The following MBTPS1 variants were observed in gnomAD, a reference collection of about 807,000 sequenced individuals.
MBTPS1 encodes membrane bound transcription factor peptidase, site 1, also known as membrane-bound transcription factor site-1 protease.
A neutral mutation model predicts 127.8 loss-of-function variants in MBTPS1; 94 were observed. The observed-to-expected ratio is 0.74, with a 90% CI of 0.62 to 0.87. The LOEUF (loss-of-function observed/expected upper bound fraction) is 0.87. MBTPS1 is among the 40% of genes least tolerant of loss of function. The pLI, the probability that MBTPS1 is intolerant of heterozygous loss-of-function variation, is 0.00. For synonymous variants in MBTPS1, 632 were observed against 509.4 expected, an observed-to-expected ratio of 1.24 and a Z score of -3.24; for missense variants, 1,636 against 1,353.2, an observed-to-expected ratio of 1.21 and a Z score of -3.28.
chr16:84,091,020 A>C, intron 7 of MBTPS1, 78 bp from the exon 8 acceptor site: 1 of 1,000,060 alleles, frequency 1.0e-6, no homozygotes, highest in Non-Finnish European at 1.5e-6. Context: ...AAAAAACCAT[A>C]CACAACGTCT....
Position 84,069,358 on chromosome 16 carries a change from T to C in MBTPS1, c.1955+508A>G, listed in dbSNP as rs1470961859. Among the ~76,000 whole-genome samples the C allele has an allele frequency of 5.9e-5, 9 of 152,272 alleles. No individual in the cohort carries two copies. In the South Asian group the frequency reaches 1.5e-3, roughly 25 times the overall value. On this transcript the variant is annotated intron_variant, in intron 14 of 22. Coordinates refer to ENST00000343411, the MANE Select transcript of MBTPS1 (RefSeq NM_003791.4). Reference sequence around the variant, plus strand: ...GGCTGCATGGGTCACACCAGGGGGCTTGGCCGGGTGAGGAAGTCAGAATAG... The same window carrying C: ...GGCTGCATGGGTCACACCAGGGGGCCTGGCCGGGTGAGGAAGTCAGAATAG...
At chr16:84,093,394 C>T in intron 5 of MBTPS1, 97 bp from the exon 6 acceptor site, 1 of 845,904 alleles carries the variant, frequency 1.2e-6, no homozygotes. Flanking sequence ...CTTCCATTTC[C>T]AAGTGCTGGA....
chr16:84,105,971 T>C (rs1398761272), intron 1 of MBTPS1, among the ~76,000 whole-genome samples: 1 of 152,094 alleles, frequency 6.6e-6, no homozygotes, highest in Non-Finnish European at 1.5e-5. Flanking sequence ...ACATACAGTA[T>C]TTAGCTGGTG....
At position 84,091,824 on chromosome 16, in the gene MBTPS1, C is replaced by T. The variant is rs181348739; in HGVS notation, c.871G>A (p.Asp291Asn). 2.3e-5 allele frequency: 37 copies of T among 1,612,770 alleles called. No individual in the cohort carries two copies. In the African/African-American group the frequency reaches 3.7e-4, roughly 16 times the overall value. The change falls in exon 7 of 23, where the codon GAC becomes AAC. Residue 291 changes from aspartate to asparagine, a missense_variant. Coordinates refer to ENST00000343411, the MANE Select transcript of MBTPS1 (RefSeq NM_003791.4). The part of the protein sequence containing the change: ...NQVSYTSWFL[D>N]AFNYAILKKI... ...TTTAAAATGGCATAGTTGAAGGCGT[C>T]CAAAAACCAAGATGTGTAAGATACC...
At chr16:84,070,814 A>T in intron 12 of MBTPS1, 38 bp from the exon 13 acceptor site, 2 of 1,540,322 alleles carry the variant, frequency 1.3e-6, no homozygotes, top group Non-Finnish European at 1.8e-6. Context: ...CTAAAGTGAA[A>T]AGCTCCAGGA....
chr16:84,056,281 T>C (rs2085520770), intron 21 of MBTPS1, 146 bp from the exon 22 acceptor site: 1 of 616,788 alleles, frequency 1.6e-6, no homozygotes, highest in South Asian at 2.2e-5. Flanking sequence ...GCCACCTAAA[T>C]GCCACTGACA....
chr16:84,100,974 T>C (rs1260441788), intron 2 of MBTPS1, among the ~76,000 whole-genome samples: 2 of 123,482 alleles, frequency 1.6e-5, no homozygotes, highest in East Asian at 4.5e-4. Flanking sequence ...GCTAACATGC[T>C]GAAACCCCGT....
chr16:84,107,868 A>T (rs1597354556), intron 1 of MBTPS1, among the ~76,000 whole-genome samples: 1 of 133,458 alleles, frequency 7.5e-6, no homozygotes, highest in African/African-American at 2.8e-5. Flanking sequence ...TGTCCAGCTA[A>T]TTTTTTTTTT....
chr16:84,076,843 G>A (rs2085860866), intron 11 of MBTPS1, among the ~76,000 whole-genome samples: 1 of 152,148 alleles, frequency 6.6e-6, no homozygotes, highest in Admixed American at 6.5e-5. Flanking sequence ...AAAATTTGAT[G>A]CAATTGCAAC....
intron 19 of MBTPS1, 113 bp from the exon 20 acceptor site, chr16:84,060,926 T>G (rs2085601737): frequency 1.0e-6 from 1 of 960,948 alleles, no homozygotes; most frequent in Non-Finnish European, 1.5e-6. Flanking sequence ...CTTGAGCTCC[T>G]GGGCTCAAGT....
rs2086260782 is a variant in MBTPS1 at position 84,101,799 on chromosome 16, T to C, written c.-16A>G. On this transcript the variant is annotated 5_prime_UTR_variant, in exon 2 of 23. Coordinates refer to ENST00000343411, the MANE Select transcript of MBTPS1 (RefSeq NM_003791.4). ...CAAGCTTCATGGTCACAAGCGAATA[T>C]GATCATAAAATTGCATATATTCAAA... 3.1e-6 allele frequency: 5 copies of C among 1,599,148 alleles called. No individual in the cohort carries two copies. Among genetic ancestry groups the C allele is most frequent in the African/African-American group, 1.3e-5 (1 of 74,282 alleles).
chr16:84,068,061 C>T (rs2085713754), intron 15 of MBTPS1, among the ~76,000 whole-genome samples: 1 of 152,244 alleles, frequency 6.6e-6, no homozygotes, highest in Admixed American at 6.5e-5. Context: ...TTTTCATTCA[C>T]TTGAGAAGGA....
chr16:84,098,356 A>G (rs943244088), intron 3 of MBTPS1, among the ~76,000 whole-genome samples: 1 of 152,210 alleles, frequency 6.6e-6, no homozygotes, highest in Non-Finnish European at 1.5e-5. Flanking sequence ...CACGCCTGTA[A>G]TCCCAGCACT....
rs576261404 is a variant in MBTPS1 at position 84,091,428 on chromosome 16, G to A, written c.963+304C>T. 9.6e-5 allele frequency among the ~76,000 whole-genome samples: 14 copies of A among 145,770 alleles called. No individual in the cohort carries two copies. In the South Asian group the frequency reaches 3.0e-3, roughly 31 times the overall value. On this transcript the variant is annotated intron_variant, in intron 7 of 22. Transcript: ENST00000343411. ...TTGAACCTGGGAGGCGGAGGTTGCA[G>A]TGAGCCAAGACTGTGCCATTGTACT...
In MBTPS1 at chr16:84,094,506, A is replaced by G. The variant is rs17726720; in HGVS notation, c.626-685T>C. On this transcript the variant is annotated intron_variant, in intron 4 of 22. Transcript: ENST00000343411. ...ACTGGCCTGTCTGACCAAAAATTCT[A>G]GAAAGCATCTAGAAAAAAAATACAG... 7.1e-3 allele frequency among the ~76,000 whole-genome samples: 1,081 copies of G among 152,338 alleles called. 5 individuals are homozygous for G. The highest frequency in any genetic ancestry group is 0.017 in the South Asian group (81 of 4,830).
chr16:84,077,234 G>GAAAAAAAAAAAAA (rs1191331764), intron 11 of MBTPS1, among the ~76,000 whole-genome samples: 2 of 100,260 alleles, frequency 2.0e-5, no homozygotes, highest in Non-Finnish European at 4.0e-5. Flanking sequence ...CATTAAAAAA[G>GAAAAAAAAAAAAA]AAAAAAAAAA....
At chr16:84,059,208 T>C (rs1156662159) in intron 21 of MBTPS1, 94 bp downstream of exon 21, 2 of 1,468,290 alleles carry the variant, frequency 1.4e-6, no homozygotes, top group South Asian at 1.3e-5. Context: ...GACAATTCGA[T>C]AGTGATGTCA....
At chr16:84,097,927 T>C (rs1198827999) in intron 3 of MBTPS1, among the ~76,000 whole-genome samples, 1 of 151,408 alleles carries the variant, frequency 6.6e-6, no homozygotes, top group African/African-American at 2.4e-5. Context: ...TAAAATATGA[T>C]AGACAAAGAA....
intron 11 of MBTPS1, among the ~76,000 whole-genome samples, chr16:84,080,237 G>C (rs915579558): frequency 2.0e-5 from 3 of 152,200 alleles, no homozygotes; most frequent in Non-Finnish European, 4.4e-5. Flanking sequence ...AAATAAATGG[G>C]ACAGAAAGGA....
Sources: gnomAD v4.1 joint callset for allele counts (sites outside exome capture counted in the v4.1 genomes callset) on GRCh38, gnomAD v4.1.1 for gene constraint, MANE v1.5 for transcripts, NCBI Gene and HGNC (gene_info 2026-07-23, HGNC 2026-07-21) for gene names.